ANXA6: variants seen among roughly 807,000 people sequenced by gnomAD.
ANXA6 encodes the protein annexin A6, also known as 67 kDa calelectrin.
ANXA6 carries 71 observed loss-of-function variants against 95.4 expected under a neutral mutation model. The ratio of observed to expected loss-of-function variants is 0.74; its 90% CI spans 0.61 to 0.91. ANXA6 has a LOEUF of 0.91. Among genes scored for constraint, ANXA6 ranks in the 40% least tolerant of loss-of-function variants. The pLI is 0.00. For synonymous variants in ANXA6, 289 were observed against 315.9 expected, an observed-to-expected ratio of 0.91 and a Z score of 0.90; for missense variants, 830 against 876.4, an observed-to-expected ratio of 0.95 and a Z score of 0.67.
rs1179132012 is a variant in ANXA6 at position 151,109,748 on chromosome 5, C to T, written c.1684+5G>A. ...GAGCTGGGAAGGGAGGAGGTCAGGC[C>T]TCACCTCTCCGGAGGTGCGGATAGC... On this transcript the variant is annotated splice_donor_5th_base_variant and intron_variant, in intron 22 of 25. Coordinates refer to ENST00000354546, the MANE Select transcript of ANXA6 (RefSeq NM_001155.5). 1.9e-6 allele frequency: 3 copies of T among 1,604,762 alleles called. No homozygotes were observed. The highest frequency in any genetic ancestry group is 2.2e-5 in the East Asian group (1 of 44,548).
At chr5:151,135,044 A>G (rs1392986696) in intron 7 of ANXA6, among the ~76,000 whole-genome samples, 1 of 152,232 alleles carries the variant, frequency 6.6e-6, no homozygotes, top group African/African-American at 2.4e-5. Context: ...CTCATCTGAT[A>G]GAGGAAGCTT....
At chr5:151,127,133 T>C (rs1400953786) in intron 13 of ANXA6, among the ~76,000 whole-genome samples, 7 of 152,248 alleles carry the variant, frequency 4.6e-5, no homozygotes, top group African/African-American at 1.7e-4. Context: ...TATCCAACTC[T>C]CCCCTCTCAA....
At chr5:151,125,616 C>T (rs10045859) in intron 14 of ANXA6, among the ~76,000 whole-genome samples, 64,828 of 152,028 alleles carry the variant, frequency 0.43, 14,555 homozygotes, top group Admixed American at 0.57. Flanking sequence ...TCCTCTTTGA[C>T]GTAATCAGAA....
intron 20 of ANXA6, among the ~76,000 whole-genome samples, chr5:151,115,608 T>C (rs1764977022): frequency 6.6e-6 from 1 of 152,216 alleles, no homozygotes; most frequent in Non-Finnish European, 1.5e-5. Flanking sequence ...CTGAGATTTT[T>C]AAAAAACTCT....
chr5:151,105,869 G>A (rs2113892268), intron 23 of ANXA6, among the ~76,000 whole-genome samples: 1 of 152,224 alleles, frequency 6.6e-6, no homozygotes, highest in African/African-American at 2.4e-5. Flanking sequence ...GACACTCCAG[G>A]TTTTATTAGG....
intron 1 of ANXA6, among the ~76,000 whole-genome samples, chr5:151,156,894 A>T (rs1766250552): frequency 6.6e-6 from 1 of 152,194 alleles, no homozygotes; most frequent in Non-Finnish European, 1.5e-5. Flanking sequence ...AAGGAAATCC[A>T]GGCTCAGAGA....
Position 151,101,335 on chromosome 5 carries a change from T to TGC in ANXA6, c.*112_*113insGC. ...GAAGATAAGAGCCCAACCCAACCCCTCCCCCCACCCCTGCCCCTTCCTTAG... is the reference window on the plus strand; with the variant it reads ...GAAGATAAGAGCCCAACCCAACCCCTGCCCCCCCACCCCTGCCCCTTCCTTAG... On this transcript the variant is annotated 3_prime_UTR_variant, in exon 26 of 26. Coordinates refer to ENST00000354546, the MANE Select transcript of ANXA6 (RefSeq NM_001155.5). The TGC allele has an allele frequency of 1.3e-5, 2 of 153,034 alleles. No homozygotes were observed. The highest frequency in any genetic ancestry group is 4.7e-5 in the South Asian group (1 of 21,282). The allele number at this position is 153,034 out of a possible 1,614,324, so 9.5% of individuals were successfully genotyped here. A position where few individuals can be genotyped will look rare whatever the true frequency, so the allele number is the denominator to read the frequency against.
At chr5:151,128,864 A>G (rs1004872811) in intron 12 of ANXA6, among the ~76,000 whole-genome samples, 4 of 152,054 alleles carry the variant, frequency 2.6e-5, no homozygotes, top group Non-Finnish European at 5.9e-5. Context: ...CACCTAAAAA[A>G]ATTACCCTTT....
chr5:151,150,431 T>C (rs77826255), intron 1 of ANXA6, among the ~76,000 whole-genome samples: 14,183 of 152,264 alleles, frequency 0.093, 828 homozygotes, highest in South Asian at 0.17. Context: ...GCACAAGACC[T>C]GTTCTTAGTA....
intron 1 of ANXA6, chr5:151,151,365 C>T (rs924601695): frequency 1.3e-5 from 2 of 152,192 alleles, no homozygotes; most frequent in Admixed American, 1.3e-4. Context: ...ATCCATGACT[C>T]CAAGTCCCTC....
intron 24 of ANXA6, 120 bp downstream of exon 24, chr5:151,105,125 G>T: frequency 1.0e-6 from 1 of 986,306 alleles, no homozygotes; most frequent in Non-Finnish European, 1.6e-6. Context: ...GCTAATAAAT[G>T]TCAAATGGGA....
chr5:151,101,133 T>C lies in ANXA6; in HGVS notation c.*315A>G. ...TACAGACAGAGGTTCAGGATGTTTT[T>C]GGATCTGACATAGCCCAAACCAGGG... On this transcript the variant is annotated 3_prime_UTR_variant, in exon 26 of 26. Coordinates refer to ENST00000354546, the MANE Select transcript of ANXA6 (RefSeq NM_001155.5). 2 of 544,862 alleles carry C rather than the reference T, an allele frequency of 3.7e-6. No individual in the cohort carries two copies. Among genetic ancestry groups the C allele is most frequent in the East Asian group, 3.7e-5 (1 of 26,954 alleles). The allele number at this position is 544,862 out of a possible 1,614,324, so 33.8% of individuals were successfully genotyped here.
intron 21 of ANXA6, 89 bp from the exon 22 acceptor site, chr5:151,109,935 G>C: frequency 9.7e-7 from 1 of 1,032,038 alleles, no homozygotes; most frequent in Non-Finnish European, 1.4e-6. Context: ...TGCCTGGGCT[G>C]AGGGCAGTCA....
chr5:151,125,341 CAA>C (rs34691391), intron 14 of ANXA6, among the ~76,000 whole-genome samples: 4,905 of 118,102 alleles, frequency 0.042, 75 homozygotes, highest in Middle Eastern at 0.052. Flanking sequence ...GACCCTGTCT[CAA>C]AAAAAAAAAA....
chr5:151,149,434 A>G (rs1000684120), intron 1 of ANXA6, among the ~76,000 whole-genome samples: 19 of 152,174 alleles, frequency 1.2e-4, no homozygotes, highest in Admixed American at 3.9e-4. Context: ...TTCTTAAGAG[A>G]AGGAGAAGAG....
intron 2 of ANXA6, 31 bp downstream of exon 2, chr5:151,147,853 G>A (rs1246243911): frequency 1.3e-6 from 2 of 1,587,130 alleles, no homozygotes; most frequent in Non-Finnish European, 1.7e-6. Flanking sequence ...AGAAGGCTGA[G>A]TACCACCTTC....
chr5:151,123,814 C>A (rs548342439), intron 15 of ANXA6, among the ~76,000 whole-genome samples: 1 of 152,296 alleles, frequency 6.6e-6, no homozygotes, highest in Non-Finnish European at 1.5e-5. Flanking sequence ...GTACTCTTCC[C>A]ACTGGTGCCA....
intron 20 of ANXA6, among the ~76,000 whole-genome samples, chr5:151,115,834 A>ACAACAGC (rs1417119791): frequency 1.3e-5 from 2 of 152,254 alleles, no homozygotes; most frequent in Non-Finnish European, 2.9e-5. Context: ...CAACTGGACA[A>ACAACAGC]CAACAGCTAT....
intron 19 of ANXA6, 62 bp downstream of exon 19, chr5:151,117,696 C>A: frequency 6.9e-7 from 1 of 1,447,234 alleles, no homozygotes; most frequent in Non-Finnish European, 9.6e-7. Context: ...ACTCAGTAAA[C>A]CTTCCCTTCC....
Sources: gnomAD v4.1 joint callset for allele counts (sites outside exome capture counted in the v4.1 genomes callset) on GRCh38, gnomAD v4.1.1 for gene constraint, MANE v1.5 for transcripts, NCBI Gene and HGNC (gene_info 2026-07-23, HGNC 2026-07-21) for gene names.